Variants in GRIN2B observed in about 807,000 individuals in gnomAD.
The protein encoded by GRIN2B is glutamate receptor ionotropic, NMDA 2B.
Under a neutral mutation model 114.5 loss-of-function variants are expected in GRIN2B, and 5 were observed. The observed-to-expected ratio is 0.04, with a 90% CI of 0.02 to 0.09. The LOEUF (loss-of-function observed/expected upper bound fraction) is 0.09, where lower values mean the gene tolerates loss of function less well. GRIN2B is among the 10% of genes least tolerant of loss of function. The pLI, the probability that GRIN2B is intolerant of heterozygous loss-of-function variation, is 1.00. For synonymous variants in GRIN2B, 787 were observed against 745.1 expected, an observed-to-expected ratio of 1.06 and a Z score of -0.92; for missense variants, 1,108 against 1,943.5, an observed-to-expected ratio of 0.57 and a Z score of 8.08.
At chr12:13,735,739 A>T (rs535262625) in intron 4 of GRIN2B, among the ~76,000 whole-genome samples, 4 of 152,248 alleles carry the variant, frequency 2.6e-5, no homozygotes, top group African/African-American at 4.8e-5. Flanking sequence ...CCTCCTTCTC[A>T]TCAGATATAT....
Position 13,558,079 on chromosome 12 carries a change from TCTCCTCCATGAAGAGCTC to T in GRIN2B, c.*4686_*4703del, listed in dbSNP as rs1358869876. On this transcript the variant is annotated 3_prime_UTR_variant, in exon 14 of 14. Coordinates refer to ENST00000609686, the MANE Select transcript of GRIN2B (RefSeq NM_000834.5). ...GTGTGACTATTCACTTTCAGCTGCT[TCTCCTCCATGAAGAGCTC>T]CTTAAACAGGAGGAAAAGTCTCTGA... is the stretch of plus-strand genomic sequence containing the variant. The T allele has an allele frequency of 1.3e-5, 2 of 152,176 alleles. No homozygotes were observed. The highest frequency in any genetic ancestry group is 2.9e-5 in the Non-Finnish European group (2 of 68,064). 9.4% of individuals were successfully genotyped at this position (152,176 alleles called of 1,614,324 possible). A position where few individuals can be genotyped will look rare whatever the true frequency, so the allele number is the denominator to read the frequency against.
rs765505393 is a variant in GRIN2B at position 13,562,723 on chromosome 12, G to T, written c.*60C>A. 1 of 1,330,524 alleles carries T rather than the reference G, an allele frequency of 7.5e-7. No individual in the cohort carries two copies. The highest frequency in any genetic ancestry group is 1.1e-6 in the Non-Finnish European group (1 of 921,590). 82.4% of individuals were successfully genotyped at this position (1,330,524 alleles called of 1,614,324 possible). On this transcript the variant is annotated 3_prime_UTR_variant, in exon 14 of 14. Transcript: ENST00000609686. ...ACCCCCGTCACCCTCCGTGACATGC[G>T]CATCACGCGACCCACAGCCTTACCC...
chr12:13,625,707 C>A (rs2136491870), intron 5 of GRIN2B, among the ~76,000 whole-genome samples: 2 of 152,248 alleles, frequency 1.3e-5, no homozygotes, highest in Middle Eastern at 6.8e-3. Flanking sequence ...TTCCAAACAT[C>A]AGGGCGAACT....
intron 3 of GRIN2B, among the ~76,000 whole-genome samples, chr12:13,767,726 A>T (rs185829344): frequency 1.3e-5 from 2 of 152,306 alleles, no homozygotes; most frequent in Non-Finnish European, 2.9e-5. Flanking sequence ...AGTTTCACAC[A>T]GATGAAAGAT....
intron 3 of GRIN2B, among the ~76,000 whole-genome samples, chr12:13,811,686 CA>C (rs1331759967): frequency 6.6e-6 from 1 of 152,250 alleles, no homozygotes; most frequent in Non-Finnish European, 1.5e-5. Context: ...AGGGCTGCAA[CA>C]GGCATTTCCT....
intron 2 of GRIN2B, among the ~76,000 whole-genome samples, chr12:13,898,564 G>A (rs1276820186): frequency 6.6e-6 from 1 of 152,174 alleles, no homozygotes; most frequent in Non-Finnish European, 1.5e-5. Flanking sequence ...ACACAAGTGT[G>A]GTTCTTCCTT....
chr12:13,786,143 G>A (rs1864217919), intron 3 of GRIN2B, among the ~76,000 whole-genome samples: 1 of 152,076 alleles, frequency 6.6e-6, no homozygotes, highest in South Asian at 2.1e-4. Context: ...CACTTTTTCA[G>A]TAAAGAACGC....
intron 3 of GRIN2B, among the ~76,000 whole-genome samples, chr12:13,823,538 T>C (rs75826440): frequency 0.017 from 2,573 of 152,278 alleles, 43 homozygotes; most frequent in Middle Eastern, 0.048. Flanking sequence ...TAAATTCATC[T>C]AAGTTCTAGT....
intron 3 of GRIN2B, among the ~76,000 whole-genome samples, chr12:13,778,833 C>A (rs1825703045): frequency 6.6e-6 from 1 of 152,168 alleles, no homozygotes; most frequent in South Asian, 2.1e-4. Context: ...AAGACCAGTG[C>A]TCTGAGATTT....
chr12:13,768,862 G>A (rs769042988), intron 3 of GRIN2B, among the ~76,000 whole-genome samples: 5 of 152,034 alleles, frequency 3.3e-5, no homozygotes, highest in Middle Eastern at 3.2e-3. Context: ...GTGAAACACC[G>A]TCTCTACTAA....
At chr12:13,841,348 T>G (rs899965071) in intron 3 of GRIN2B, among the ~76,000 whole-genome samples, 6 of 152,208 alleles carry the variant, frequency 3.9e-5, no homozygotes, top group African/African-American at 1.2e-4. Flanking sequence ...ACCAGAAAGT[T>G]GTGTAGATTC....
rs542405530 is a variant in GRIN2B, at chr12:13,657,656, C to A, written c.1125+18089G>T. Among the ~76,000 whole-genome samples, 4 of 152,246 alleles carry A rather than the reference C, an allele frequency of 2.6e-5. No homozygotes were observed. The East Asian group carries it at 5.8e-4, about 22-fold the overall frequency. ...ACCAATAAGCTATGACCAAGATTTG[C>A]CCCTTGTGTTGGGGGGCAGGGAAGA... On this transcript the variant is annotated intron_variant, in intron 5 of 13. Transcript: ENST00000609686.
chr12:13,785,246 C>G (rs1864203478), intron 3 of GRIN2B, among the ~76,000 whole-genome samples: 1 of 152,300 alleles, frequency 6.6e-6, no homozygotes, highest in East Asian at 1.9e-4. Context: ...CCTAGATGTT[C>G]CCCTGGCATC....
chr12:13,836,882 G>C (rs1247141427), intron 3 of GRIN2B, among the ~76,000 whole-genome samples: 1 of 152,164 alleles, frequency 6.6e-6, no homozygotes, highest in Non-Finnish European at 1.5e-5. Flanking sequence ...AGGTGTCCAG[G>C]TAACCTGATG....
chr12:13,687,664 G>A (rs1280412284), intron 4 of GRIN2B, among the ~76,000 whole-genome samples: 1 of 152,188 alleles, frequency 6.6e-6, no homozygotes, highest in Admixed American at 6.5e-5. Context: ...CACACTTACA[G>A]CTTTAAAACT....
At chr12:13,847,822 T>C (rs1365884952) in intron 3 of GRIN2B, among the ~76,000 whole-genome samples, 3 of 152,142 alleles carry the variant, frequency 2.0e-5, no homozygotes, top group Non-Finnish European at 4.4e-5. Context: ...GGGTTCTTAG[T>C]GCAGAAAGTA....
At chr12:13,695,157 A>G (rs542266121) in intron 4 of GRIN2B, among the ~76,000 whole-genome samples, 11 of 152,190 alleles carry the variant, frequency 7.2e-5, no homozygotes, top group East Asian at 3.9e-4. Context: ...AAGAAAATAA[A>G]GGAATTTGTA....
intron 3 of GRIN2B, among the ~76,000 whole-genome samples, chr12:13,797,703 G>A (rs1055029094): frequency 1.6e-4 from 25 of 152,192 alleles, no homozygotes; most frequent in Non-Finnish European, 8.8e-5. Flanking sequence ...CATGATCTAT[G>A]AGGTGGAGGT....
rs776323617 is a variant in GRIN2B at position 13,564,422 on chromosome 12, C to T, written c.2816G>A (p.Arg939His). 6 of 1,614,210 alleles carry T rather than the reference C, an allele frequency of 3.7e-6. No individual in the cohort carries two copies. Among genetic ancestry groups the T allele is most frequent in the Non-Finnish European group, 4.2e-6 (5 of 1,180,040 alleles). The change falls in exon 14 of 14, where the codon CGC (arginine) becomes CAC (histidine). Residue 939 changes from arginine to histidine, a missense_variant. Transcript: ENST00000609686. This position sits in a 1 kb window ranked among gnomAD's most constrained non-coding sequence, Gnocchi z 4.8. ...SSVYDISEHRRSFTHSDCKSY... is the reference protein window; with the variant it reads ...SSVYDISEHRHSFTHSDCKSY... ...TTTGCAGTCAGAATGCGTGAAGCTG[C>T]GGCGGTGCTCTGAGATGTCATAGAC...
Sources: gnomAD v4.1 joint callset for allele counts (sites outside exome capture counted in the v4.1 genomes callset) on GRCh38, gnomAD v4.1.1 for gene constraint, Gnocchi (gnomAD v3.1) non-coding constraint, MANE v1.5 for transcripts, NCBI Gene and HGNC (gene_info 2026-07-23, HGNC 2026-07-21) for gene names.